Variants in SMIM23 observed in about 807,000 individuals in gnomAD.
The protein encoded by SMIM23 is CTB-78H18.1.
In SMIM23, 10 loss-of-function variants were observed where a neutral mutation model predicts 12.8. That is an observed-to-expected ratio of 0.78 (90% confidence interval 0.48 to 1.32). The LOEUF (loss-of-function observed/expected upper bound fraction) is 1.32. Ranked by LOEUF, SMIM23 falls within the 40% of genes most tolerant of loss-of-function variation. The probability of loss-of-function intolerance (pLI) is 0.00; values close to 1 mark genes in which losing one functional copy is unlikely to be tolerated. For missense variants in SMIM23, 184 were observed against 198.2 expected, an observed-to-expected ratio of 0.93 and a Z score of 0.43; for synonymous variants, 78 against 80.1, an observed-to-expected ratio of 0.97 and a Z score of 0.14.
At chr5:171,782,881 T>G (rs1297135286), upstream of SMIM23, 3 of 152,186 alleles carry the variant, frequency 2.0e-5, no homozygotes, top group African/African-American at 7.2e-5. Context: ...GAAGCTGTAG[T>G]AAAGTAATCT....
chr5:171,778,447 T>TCTCACACA (rs1332818322), upstream of SMIM23, among the ~76,000 whole-genome samples: 8 of 141,546 alleles, frequency 5.7e-5, no homozygotes, highest in African/African-American at 2.1e-4. Context: ...TGGGAAAATT[T>TCTCACACA]CACACACACA....
chr5:171,779,117 G>C (rs537131341), upstream of SMIM23, among the ~76,000 whole-genome samples: 80 of 152,312 alleles, frequency 5.3e-4, no homozygotes, highest in African/African-American at 1.9e-3. Context: ...AATTGATGGC[G>C]TACGTTGGGC....
chr5:171,787,278 A>C (rs1755837225), intron 1 of SMIM23, among the ~76,000 whole-genome samples: 1 of 152,126 alleles, frequency 6.6e-6, no homozygotes. Context: ...TCCGCCTCCC[A>C]AAGTGCTGGG....
chr5:171,788,657 G>C (rs1205730103), intron 1 of SMIM23, among the ~76,000 whole-genome samples: 1 of 152,124 alleles, frequency 6.6e-6, no homozygotes, highest in Non-Finnish European at 1.5e-5. Context: ...ATTGACTCAA[G>C]AAGAAATAGT....
chr5:171,782,788 C>T (rs994169563), upstream of SMIM23: 5 of 152,172 alleles, frequency 3.3e-5, no homozygotes, highest in African/African-American at 9.7e-5. Context: ...TACTATGTAA[C>T]GGGCTGCGTA....
chr5:171,786,967 A>G (rs539965855), intron 1 of SMIM23, among the ~76,000 whole-genome samples: 3 of 130,952 alleles, frequency 2.3e-5, no homozygotes, highest in South Asian at 2.4e-4. Context: ...TTACCACAGC[A>G]TTTCCCACCT....
At position 171,785,922 on chromosome 5, in the gene SMIM23, G is replaced by A; in HGVS notation, c.51G>A (p.Val17=). 6.5e-7 allele frequency: 1 copy of A among 1,536,222 alleles called. No individual in the cohort carries two copies. The highest frequency in any genetic ancestry group is 8.7e-7 in the Non-Finnish European group (1 of 1,146,934). Residue 17 remains valine, a synonymous_variant, in exon 1 of 4, where the codon GTG becomes GTA. Coordinates refer to ENST00000523047, the MANE Select transcript of SMIM23 (RefSeq NM_001289970.2). ...GAAGGCAGGTGGCAGCAGAGCAGGT[G>A]GCAGCCCAGCTGCTTGAACGGAGAA... ...DSRRQVAAEQ[V]AAQLLERRRG...
chr5:171,787,303 C>T lies in SMIM23; in HGVS notation c.105+1327C>T, dbSNP rs568554501. 2.6e-5 allele frequency among the ~76,000 whole-genome samples: 4 copies of T among 152,278 alleles called. No individual in the cohort carries two copies. The South Asian group carries it at 8.3e-4, about 32-fold the overall frequency. ...AAAGTGCTGGGATTACAGGTGTGAG[C>T]CACTTCTTCTTTTTTGAAAGACTTT... On this transcript the variant is annotated intron_variant, in intron 1 of 3. Transcript: ENST00000523047.
chr5:171,784,435 G>A (rs1040213709), upstream of SMIM23, among the ~76,000 whole-genome samples: 7 of 152,038 alleles, frequency 4.6e-5, no homozygotes, highest in Non-Finnish European at 7.4e-5. Flanking sequence ...AACCCGGGAG[G>A]CAGAGCTTGC....
intron 1 of SMIM23, among the ~76,000 whole-genome samples, chr5:171,787,228 C>A (rs1755835915): frequency 6.6e-6 from 1 of 152,046 alleles, no homozygotes. Flanking sequence ...CCATATTGGC[C>A]AGGCTGGTCT....
At chr5:171,789,051 G>T (rs1392626853) in intron 1 of SMIM23, among the ~76,000 whole-genome samples, 2 of 152,242 alleles carry the variant, frequency 1.3e-5, no homozygotes, top group African/African-American at 4.8e-5. Context: ...TGTTGGCCAG[G>T]CTGGTTTCGA....
chr5:171,781,067 C>T (rs1755718165), upstream of SMIM23, among the ~76,000 whole-genome samples: 1 of 152,096 alleles, frequency 6.6e-6, no homozygotes, highest in Non-Finnish European at 1.5e-5. Context: ...GCACAATGCC[C>T]AGTACTTAGA....
chr5:171,773,879 G>T, the SMIM23 span: 1 of 456,026 alleles, frequency 2.2e-6, no homozygotes, highest in South Asian at 1.6e-5. Context: ...ACATCTGTCT[G>T]CAGTCCAGAT....
the SMIM23 span, chr5:171,774,317 C>G: frequency 3.9e-5 from 17 of 433,132 alleles, no homozygotes; most frequent in Admixed American, 7.5e-5. Flanking sequence ...GTGAAATAGA[C>G]AGTAATGTTG....
upstream of SMIM23, among the ~76,000 whole-genome samples, chr5:171,785,390 T>C (rs1022089382): frequency 6.6e-6 from 1 of 151,212 alleles, no homozygotes. Flanking sequence ...CAATTAAAAA[T>C]AGCTTTTATT....
chr5:171,785,562 A>G (rs1413812843), upstream of SMIM23, among the ~76,000 whole-genome samples: 1 of 152,162 alleles, frequency 6.6e-6, no homozygotes, highest in Non-Finnish European at 1.5e-5. Context: ...TTGTTTTTAT[A>G]TTTTAGAATT....
At chr5:171,776,711 C>A in the SMIM23 span, among the ~76,000 whole-genome samples, 1 of 152,172 alleles carries the variant, frequency 6.6e-6, no homozygotes, top group Non-Finnish European at 1.5e-5. Context: ...TCTCAAAATT[C>A]TATTCCTACG....
the SMIM23 span, among the ~76,000 whole-genome samples, chr5:171,773,380 C>CTGAATCCCTTCCTCTGAGGTCAT: frequency 6.6e-6 from 1 of 152,230 alleles, no homozygotes; most frequent in Non-Finnish European, 1.5e-5. Flanking sequence ...TTTGAGGTCA[C>CTGAATCCCTTCCTCTGAGGTCAT]TGAATCCCTT....
rs181317490 is a variant in SMIM23, at chr5:171,790,124, C to T, written c.106-106C>T. On this transcript the variant is annotated intron_variant, in intron 1 of 3. Transcript: ENST00000523047. ...TAGAACAAAAGTTAAACTCAAAAAA[C>T]TGTCTTATAAGCATTCCCATGTCTG... 2.1e-4 allele frequency: 237 copies of T among 1,117,364 alleles called. 3 individuals carry two copies. In the African/African-American group the frequency reaches 3.2e-3, roughly 15 times the overall value. 69.2% of individuals were successfully genotyped at this position (1,117,364 alleles called of 1,614,324 possible). A position where few individuals can be genotyped will look rare whatever the true frequency, so the allele number is the denominator to read the frequency against.
Sources: allele counts gnomAD v4.1 joint callset (sites outside exome capture counted in the v4.1 genomes callset), GRCh38; gene constraint gnomAD v4.1.1; transcripts MANE v1.5; gene names NCBI Gene and HGNC (gene_info 2026-07-23, HGNC 2026-07-21).